Variants in FABP6 observed in about 807,000 individuals in gnomAD.
FABP6 encodes the protein gastrotropin.
A neutral mutation model predicts 14.9 loss-of-function variants in FABP6; 13 were observed. That is an observed-to-expected ratio of 0.87 (90% CI 0.57 to 1.39). The LOEUF (loss-of-function observed/expected upper bound fraction) is 1.39, where lower values mean the gene tolerates loss of function less well. Ranked by LOEUF, FABP6 falls within the 40% of genes most tolerant of loss-of-function variation. FABP6 has a pLI of 0.00. For missense variants in FABP6, 161 were observed against 167.2 expected, an observed-to-expected ratio of 0.96 and a Z score of 0.20; for synonymous variants, 75 against 63.6, an observed-to-expected ratio of 1.18 and a Z score of -0.85.
chr5:160,226,622 CCT>C (rs1760253849), upstream of FABP6, among the ~76,000 whole-genome samples: 1 of 151,896 alleles, frequency 6.6e-6, no homozygotes, highest in Non-Finnish European at 1.5e-5. Flanking sequence ...CTTCACTGAA[CCT>C]CTGTTTGCTC....
chr5:160,234,855 G>C lies in FABP6; in HGVS notation c.279G>C (p.Val93=). Residue 93 remains valine, a synonymous_variant, in exon 3 of 4, where the codon GTG becomes GTC. Coordinates refer to ENST00000402432, the MANE Select transcript of FABP6 (RefSeq NM_001445.3). ...AGATGGAGGGCGGGAAGCTGGTGGT[G>C]AATTTCCCCAACTATCACCAGACCT... ...TVQMEGGKLV[V]NFPNYHQTSE... 6.2e-7 allele frequency: 1 copy of C among 1,611,428 alleles called. No individual in the cohort carries two copies. The highest frequency in any genetic ancestry group is 1.1e-5 in the South Asian group (1 of 90,486).
chr5:160,215,954 C>T (rs981248995), intron 3 of FABP6, among the ~76,000 whole-genome samples: 9 of 152,134 alleles, frequency 5.9e-5, no homozygotes, highest in Non-Finnish European at 1.2e-4. Context: ...GGTGTAAGTC[C>T]TGCAGATGGG....
intron 3 of FABP6, among the ~76,000 whole-genome samples, chr5:160,237,734 C>T (rs1053791283): frequency 2.0e-5 from 3 of 152,176 alleles, no homozygotes; most frequent in Admixed American, 6.5e-5. Flanking sequence ...GCCTTACTGC[C>T]CAATTCTACA....
At chr5:160,213,088 A>G (rs1271942696) in intron 2 of FABP6, among the ~76,000 whole-genome samples, 3 of 152,208 alleles carry the variant, frequency 2.0e-5, no homozygotes, top group Non-Finnish European at 4.4e-5. Flanking sequence ...CTGTCCACCC[A>G]GAGCAGTTGG....
intron 2 of FABP6, among the ~76,000 whole-genome samples, chr5:160,202,863 T>C (rs1379192511): frequency 6.6e-6 from 1 of 151,844 alleles, no homozygotes; most frequent in Non-Finnish European, 1.5e-5. Flanking sequence ...GAATCCCATA[T>C]ACAAAACAGA....
At chr5:160,212,759 G>A (rs144778165) in intron 2 of FABP6, among the ~76,000 whole-genome samples, 2,016 of 152,192 alleles carry the variant, frequency 0.013, 44 homozygotes, top group African/African-American at 0.045. Flanking sequence ...GTGAGCCACC[G>A]TGCCCGGCCA....
At chr5:160,198,960 C>A in intron 1 of FABP6, 1 of 793,458 alleles carries the variant, frequency 1.3e-6, no homozygotes, top group South Asian at 1.6e-5. Flanking sequence ...AGTGAGCAGT[C>A]AATAAAATGG....
intron 1 of FABP6, among the ~76,000 whole-genome samples, chr5:160,192,915 C>T (rs1252744843): frequency 2.6e-5 from 4 of 152,212 alleles, no homozygotes; most frequent in Admixed American, 2.6e-4. Flanking sequence ...AGTTTGAGAC[C>T]AGCCTGAGCA....
At chr5:160,227,525 CAAAAA>C (rs10645896), upstream of FABP6, among the ~76,000 whole-genome samples, 438 of 99,500 alleles carry the variant, frequency 4.4e-3, 3 homozygotes, top group African/African-American at 0.015. Flanking sequence ...GACTTCACTT[CAAAAA>C]AAAAAAAAAA....
intron 3 of FABP6, among the ~76,000 whole-genome samples, chr5:160,223,706 C>T (rs1320355603): frequency 2.6e-5 from 4 of 151,440 alleles, no homozygotes; most frequent in South Asian, 2.1e-4. Flanking sequence ...GGATTACAGG[C>T]GTGAGCTGCT....
chr5:160,197,944 G>A (rs1322090063), intron 1 of FABP6: 3 of 147,054 alleles, frequency 2.0e-5, no homozygotes, highest in Non-Finnish European at 4.4e-5. Flanking sequence ...GTGTGTGTGT[G>A]TGTGTGTGTA....
intron 3 of FABP6, among the ~76,000 whole-genome samples, chr5:160,223,312 T>C (rs1299882746): frequency 6.8e-6 from 1 of 147,594 alleles, no homozygotes; most frequent in Non-Finnish European, 1.5e-5. Flanking sequence ...TCCACTCATA[T>C]AAGAGTGAAT....
At chr5:160,221,737 G>T (rs1477982345) in intron 3 of FABP6, among the ~76,000 whole-genome samples, 1 of 151,968 alleles carries the variant, frequency 6.6e-6, no homozygotes, top group Admixed American at 6.6e-5. Flanking sequence ...GAAGAAATAA[G>T]ACTCATTTAT....
chr5:160,215,715 G>A (rs1305374433), intron 3 of FABP6, among the ~76,000 whole-genome samples: 2 of 152,034 alleles, frequency 1.3e-5, no homozygotes, highest in Admixed American at 6.6e-5. Context: ...AAGAAGTAAA[G>A]GCATGAGGAA....
At chr5:160,224,136 T>C (rs1760194249) in intron 3 of FABP6, among the ~76,000 whole-genome samples, 2 of 152,008 alleles carry the variant, frequency 1.3e-5, no homozygotes, top group Admixed American at 6.6e-5. Context: ...CTCAGGAGGC[T>C]GAGGCAGGAG....
intron 1 of FABP6, among the ~76,000 whole-genome samples, chr5:160,194,689 T>A (rs1759475647): frequency 6.6e-6 from 1 of 152,188 alleles, no homozygotes. Context: ...TTGTTCATTC[T>A]TTTGATTCCA....
chr5:160,199,062 G>A lies in FABP6; in HGVS notation c.-45G>A, dbSNP rs759386302. On this transcript the variant is annotated 5_prime_UTR_variant, in exon 2 of 7. Transcript: ENST00000393980. ...GTGTCATTGCAGACTTTGCACCTCT[G>A]GCTCCAGGGAGCTCACAGGCAGGGG... 3 of 1,611,262 alleles carry A rather than the reference G, an allele frequency of 1.9e-6. No individual in the cohort carries two copies. In the African/African-American group the frequency reaches 4.0e-5, roughly 22 times the overall value.
chr5:160,232,355 A>G, intron 2 of FABP6, 82 bp downstream of exon 2: 2 of 1,390,168 alleles, frequency 1.4e-6, no homozygotes, highest in Non-Finnish European at 1.9e-6. Flanking sequence ...CCCGCTCCCG[A>G]GCTGAGGCTT....
Position 160,222,070 on chromosome 5 carries a change from T to C in FABP6, c.136-7476T>C, listed in dbSNP as rs1760138205. On this transcript the variant is annotated intron_variant, in intron 3 of 6. Coordinates refer to the FABP6 transcript ENST00000393980. ...AGGTAGCTTCAAATTTATTTGTGTT[T>C]TGTTCTTTCCAAATTTTTTCTTTTC... Among the ~76,000 whole-genome samples the C allele has an allele frequency of 2.0e-5, 3 of 151,696 alleles. No homozygotes were observed. The Admixed American group carries it at 2.0e-4, about 10-fold the overall frequency.
Sources: allele counts gnomAD v4.1 joint callset (sites outside exome capture counted in the v4.1 genomes callset), GRCh38; gene constraint gnomAD v4.1.1; transcripts MANE v1.5; gene names NCBI Gene and HGNC (gene_info 2026-07-23, HGNC 2026-07-21).